The following NTNG1 variants were observed in gnomAD, a reference collection of about 807,000 sequenced individuals.
NTNG1 encodes netrin G1, also known as netrin-G1.
In NTNG1, 16 loss-of-function variants were observed where a neutral mutation model predicts 54.0. That is an observed-to-expected ratio of 0.30 (90% CI 0.20 to 0.45). NTNG1 has a LOEUF of 0.45. NTNG1 is among the 20% of genes least tolerant of loss of function. The pLI is 1.00. For missense variants in NTNG1, 530 were observed against 678.7 expected (o/e 0.78, Z 2.43); for synonymous variants, 255 against 263.1 (o/e 0.97, Z 0.30).
At chr1:107,322,734 A>G (rs1667727085) in intron 2 of NTNG1, among the ~76,000 whole-genome samples, 1 of 152,116 alleles carries the variant, frequency 6.6e-6, no homozygotes, top group African/African-American at 2.4e-5. Context: ...TAGGGAATTG[A>G]AATTTGAGAG....
chr1:107,346,807 T>C (rs1669268603), intron 3 of NTNG1, among the ~76,000 whole-genome samples: 2 of 142,888 alleles, frequency 1.4e-5, no homozygotes, highest in South Asian at 4.3e-4. Context: ...TTGTGAAGAA[T>C]GTGAACATAG....
At chr1:107,155,833 T>A (rs1157634776) in intron 2 of NTNG1, among the ~76,000 whole-genome samples, 1 of 152,230 alleles carries the variant, frequency 6.6e-6, no homozygotes, top group African/African-American at 2.4e-5. Flanking sequence ...CTATTTATAC[T>A]ACAGAGGTCT....
At chr1:107,451,974 G>T (rs780060781) in intron 7 of NTNG1, among the ~76,000 whole-genome samples, 4 of 152,110 alleles carry the variant, frequency 2.6e-5, no homozygotes, top group Non-Finnish European at 4.4e-5. Context: ...CAGCTCAGTA[G>T]CTGTCTCTTA....
At chr1:107,162,061 TTTATTGTATAAATACATAAC>T (rs1388686700) in intron 2 of NTNG1, among the ~76,000 whole-genome samples, 1 of 152,116 alleles carries the variant, frequency 6.6e-6, no homozygotes, top group African/African-American at 2.4e-5. Context: ...ATGTATATAT[TTTATTGTATAAATACATAAC>T]TCATTAATGG....
chr1:107,280,034 G>GGGGT (rs1553216294), intron 2 of NTNG1, among the ~76,000 whole-genome samples: 2 of 146,452 alleles, frequency 1.4e-5, no homozygotes, highest in African/African-American at 2.5e-5. Context: ...TTCCTTTGTT[G>GGGGT]GTGTGTGTGT....
At chr1:107,401,290 C>T (rs955500145) in intron 4 of NTNG1, among the ~76,000 whole-genome samples, 4 of 152,108 alleles carry the variant, frequency 2.6e-5, no homozygotes, top group African/African-American at 9.7e-5. Flanking sequence ...ATTTTGTCAG[C>T]GCAGTAAGAG....
At chr1:107,428,142 A>G (rs902713012) in intron 5 of NTNG1, among the ~76,000 whole-genome samples, 6 of 152,072 alleles carry the variant, frequency 3.9e-5, no homozygotes, top group Non-Finnish European at 8.8e-5. Flanking sequence ...CTTATTCTCT[A>G]CATTTCCCTA....
intron 2 of NTNG1, among the ~76,000 whole-genome samples, chr1:107,223,788 C>T (rs935012619): frequency 1.3e-5 from 2 of 152,060 alleles, no homozygotes; most frequent in Non-Finnish European, 2.9e-5. Flanking sequence ...AACATTTTTG[C>T]TTGCTCTTTA....
At chr1:107,303,929 C>T (rs1342323907) in intron 2 of NTNG1, among the ~76,000 whole-genome samples, 3 of 152,212 alleles carry the variant, frequency 2.0e-5, no homozygotes, top group Non-Finnish European at 4.4e-5. Flanking sequence ...TCATAATCCG[C>T]CCGCCTTGGC....
intron 2 of NTNG1, among the ~76,000 whole-genome samples, chr1:107,246,408 CA>C (rs61237534): frequency 0.66 from 91,691 of 138,572 alleles, 29,823 homozygotes; most frequent in Non-Finnish European, 0.74. Context: ...CTTGTTTAAG[CA>C]AAAAAAAAAA....
At chr1:107,405,882 A>G (rs183908145) in intron 4 of NTNG1, among the ~76,000 whole-genome samples, 2 of 152,248 alleles carry the variant, frequency 1.3e-5, no homozygotes, top group Admixed American at 1.3e-4. Context: ...AAAAATAAAG[A>G]TTCAGTATCA....
intron 5 of NTNG1, 178 bp from the exon 6 acceptor site, chr1:107,430,572 C>G: frequency 1.3e-6 from 1 of 756,304 alleles, no homozygotes; most frequent in East Asian, 2.5e-5. Flanking sequence ...CTGCTTGAAA[C>G]AGATGCTATT....
chr1:107,256,197 AATTTACTTT>A (rs1296041713), intron 2 of NTNG1, among the ~76,000 whole-genome samples: 1 of 152,148 alleles, frequency 6.6e-6, no homozygotes, highest in East Asian at 1.9e-4. Context: ...CCCCACCCAC[AATTTACTTT>A]AATTGTCTTT....
intron 2 of NTNG1, among the ~76,000 whole-genome samples, chr1:107,196,794 T>A (rs1293166597): frequency 6.6e-6 from 1 of 152,000 alleles, no homozygotes; most frequent in African/African-American, 2.4e-5. Context: ...TTAGATAAAA[T>A]AAAGATAAAA....
At chr1:107,267,761 A>G (rs1306764174) in intron 2 of NTNG1, among the ~76,000 whole-genome samples, 1 of 152,168 alleles carries the variant, frequency 6.6e-6, no homozygotes, top group Non-Finnish European at 1.5e-5. Flanking sequence ...AAGCACACAT[A>G]CATTAACTCC....
intron 2 of NTNG1, among the ~76,000 whole-genome samples, chr1:107,161,339 A>T (rs1364814295): frequency 1.3e-5 from 2 of 152,204 alleles, no homozygotes; most frequent in East Asian, 3.8e-4. Flanking sequence ...TTTAAGGTAC[A>T]TAAGCAGTAT....
chr1:107,423,114 C>T, intron 5 of NTNG1, among the ~76,000 whole-genome samples: 1 of 152,032 alleles, frequency 6.6e-6, no homozygotes, highest in East Asian at 1.9e-4. Flanking sequence ...AACCCTTCCC[C>T]TTGTAAAACA....
intron 2 of NTNG1, among the ~76,000 whole-genome samples, chr1:107,304,376 A>G (rs552941621): frequency 1.3e-5 from 2 of 152,302 alleles, no homozygotes; most frequent in African/African-American, 4.8e-5. Context: ...AGCTGCCAAT[A>G]AAATCAGTTG....
chr1:107,354,556 G>A (rs1329979249), intron 3 of NTNG1, among the ~76,000 whole-genome samples: 1 of 151,574 alleles, frequency 6.6e-6, no homozygotes, highest in Non-Finnish European at 1.5e-5. Context: ...AGTATGGGTG[G>A]AAACCTGTAG....
Sources: gnomAD v4.1 joint callset for allele counts (sites outside exome capture counted in the v4.1 genomes callset) on GRCh38, gnomAD v4.1.1 for gene constraint, MANE v1.5 for transcripts, NCBI Gene and HGNC (gene_info 2026-07-23, HGNC 2026-07-21) for gene names.